C1orf21: variants seen among roughly 807,000 people sequenced by gnomAD.
C1orf21 encodes uncharacterized protein C1orf21.
A neutral mutation model predicts 18.7 loss-of-function variants in C1orf21; 3 were observed. The ratio of observed to expected loss-of-function variants is 0.16; its 90% CI spans 0.07 to 0.42. The LOEUF is 0.42. Among genes scored for constraint, C1orf21 ranks in the 10% least tolerant of loss-of-function variants. The pLI, the probability that C1orf21 is intolerant of heterozygous loss-of-function variation, is 0.99. For missense variants in C1orf21, 104 were observed against 143.6 expected (o/e 0.72, Z 1.41); for synonymous variants, 41 against 46.4 (o/e 0.88, Z 0.47).
At chr1:184,580,256 G>A (rs905345428) in intron 3 of C1orf21, among the ~76,000 whole-genome samples, 6 of 152,140 alleles carry the variant, frequency 3.9e-5, no homozygotes, top group Admixed American at 6.5e-5. Context: ...GTAAAGCCAC[G>A]TTTCATCTCC....
At chr1:184,408,917 TC>T (rs1656289500) in intron 1 of C1orf21, among the ~76,000 whole-genome samples, 1 of 152,138 alleles carries the variant, frequency 6.6e-6, no homozygotes, top group South Asian at 2.1e-4. Context: ...TCACAATGCT[TC>T]CCCCAGAACA....
At chr1:184,389,666 C>G (rs1476221040) in intron 1 of C1orf21, among the ~76,000 whole-genome samples, 1 of 152,212 alleles carries the variant, frequency 6.6e-6, no homozygotes, top group Non-Finnish European at 1.5e-5. Flanking sequence ...TGCCTCAGTA[C>G]TGTGTTGCCT....
At chr1:184,418,734 A>G (rs1656499579) in intron 1 of C1orf21, among the ~76,000 whole-genome samples, 2 of 152,194 alleles carry the variant, frequency 1.3e-5, no homozygotes, top group African/African-American at 4.8e-5. Flanking sequence ...CAGGCACTAC[A>G]GAAGGCTTGG....
intron 1 of C1orf21, among the ~76,000 whole-genome samples, chr1:184,452,713 G>A (rs907976894): frequency 3.9e-5 from 6 of 152,086 alleles, no homozygotes; most frequent in Non-Finnish European, 7.4e-5. Flanking sequence ...CTTTATATTC[G>A]TGGTATTACA....
chr1:184,433,813 C>T (rs776694849), intron 1 of C1orf21, among the ~76,000 whole-genome samples: 1 of 152,082 alleles, frequency 6.6e-6, no homozygotes, highest in African/African-American at 2.4e-5. Context: ...TCCCTTGGAC[C>T]CCAATCCTCA....
chr1:184,616,604 C>A (rs759677766), intron 5 of C1orf21, among the ~76,000 whole-genome samples: 1 of 152,208 alleles, frequency 6.6e-6, no homozygotes, highest in Non-Finnish European at 1.5e-5. Context: ...TACTACATAA[C>A]CCAGAAACTC....
chr1:184,544,637 T>C (rs1037278436), intron 3 of C1orf21, among the ~76,000 whole-genome samples: 3 of 152,236 alleles, frequency 2.0e-5, no homozygotes, highest in African/African-American at 7.2e-5. Flanking sequence ...GATGTATTAG[T>C]TACCCAGTAC....
intron 3 of C1orf21, among the ~76,000 whole-genome samples, chr1:184,583,582 G>A (rs1401632266): frequency 2.0e-5 from 3 of 152,140 alleles, no homozygotes; most frequent in Non-Finnish European, 2.9e-5. Context: ...AGCCAAATGG[G>A]GAAATACTAA....
At chr1:184,613,056 T>C (rs1391685245) in intron 5 of C1orf21, among the ~76,000 whole-genome samples, 1 of 152,150 alleles carries the variant, frequency 6.6e-6, no homozygotes, top group Non-Finnish European at 1.5e-5. Flanking sequence ...GTTCAAGTGA[T>C]CTGCAGTCTC....
At chr1:184,486,903 GT>G (rs1657740012) in intron 2 of C1orf21, among the ~76,000 whole-genome samples, 1 of 152,194 alleles carries the variant, frequency 6.6e-6, no homozygotes, top group South Asian at 2.1e-4. Flanking sequence ...AGTCCCTTTG[GT>G]TTTCTTCAAT....
chr1:184,404,574 T>C (rs1656216014), intron 1 of C1orf21, among the ~76,000 whole-genome samples: 1 of 152,146 alleles, frequency 6.6e-6, no homozygotes, highest in Non-Finnish European at 1.5e-5. Context: ...AGTAGAGCCT[T>C]AATGGTGTAA....
chr1:184,472,565 T>C (rs965640304), intron 1 of C1orf21, among the ~76,000 whole-genome samples: 2 of 152,220 alleles, frequency 1.3e-5, no homozygotes, highest in Non-Finnish European at 2.9e-5. Context: ...TATTTTCCTG[T>C]AGCCTTTTTT....
At chr1:184,549,357 A>G (rs1658779861) in intron 3 of C1orf21, among the ~76,000 whole-genome samples, 2 of 152,168 alleles carry the variant, frequency 1.3e-5, no homozygotes, top group African/African-American at 4.8e-5. Context: ...ATGAAGTAGA[A>G]TCATTAAGAA....
intron 3 of C1orf21, among the ~76,000 whole-genome samples, chr1:184,536,240 T>C (rs1369198940): frequency 6.6e-6 from 1 of 152,202 alleles, no homozygotes; most frequent in Non-Finnish European, 1.5e-5. Context: ...AACATTTATT[T>C]CTTCCACGTA....
chr1:184,567,149 G>A (rs1316730624), intron 3 of C1orf21: 1 of 474,808 alleles, frequency 2.1e-6, no homozygotes, highest in African/African-American at 2.0e-5. Flanking sequence ...CCTTCTTCAT[G>A]AAGGTGGTTA....
At chr1:184,512,941 G>C (rs1557991000) in intron 3 of C1orf21, among the ~76,000 whole-genome samples, 2 of 152,196 alleles carry the variant, frequency 1.3e-5, no homozygotes, top group African/African-American at 4.8e-5. Flanking sequence ...TCCGCCTTCT[G>C]TCAGATCAGC....
chr1:184,530,962 T>G (rs866254920), intron 3 of C1orf21, among the ~76,000 whole-genome samples: 1 of 152,156 alleles, frequency 6.6e-6, no homozygotes, highest in African/African-American at 2.4e-5. Flanking sequence ...TTAAATATTA[T>G]GTAGGTTTTA....
chr1:184,390,453 T>A (rs1187906329), intron 1 of C1orf21, among the ~76,000 whole-genome samples: 1 of 152,226 alleles, frequency 6.6e-6, no homozygotes, highest in Non-Finnish European at 1.5e-5. Context: ...ATAATTTGTA[T>A]GTGAAAGTTG....
intron 2 of C1orf21, among the ~76,000 whole-genome samples, chr1:184,503,091 A>G (rs1658002593): frequency 6.6e-6 from 1 of 151,558 alleles, no homozygotes; most frequent in Non-Finnish European, 1.5e-5. Flanking sequence ...AAAAAAAAAA[A>G]AAAAAAAAAA....
Sources: allele counts gnomAD v4.1 joint callset (sites outside exome capture counted in the v4.1 genomes callset), GRCh38; gene constraint gnomAD v4.1.1; transcripts MANE v1.5; gene names NCBI Gene and HGNC (gene_info 2026-07-23, HGNC 2026-07-21).